The following RFPL1 variants were observed in gnomAD, a reference collection of about 807,000 sequenced individuals.
The protein encoded by RFPL1 is ret finger protein-like 1.
Under a neutral mutation model 9.6 loss-of-function variants are expected in RFPL1, and 6 were observed. The ratio of observed to expected loss-of-function variants is 0.62; its 90% confidence interval spans 0.34 to 1.23. The LOEUF (loss-of-function observed/expected upper bound fraction) is 1.23, where lower values mean the gene tolerates loss of function less well. RFPL1 is among the 50% of genes most tolerant of loss of function. RFPL1 has a pLI of 0.03. For missense variants in RFPL1, 352 were observed against 398.4 expected (o/e 0.88, Z 0.99); for synonymous variants, 145 against 149.4 (o/e 0.97, Z 0.22).
chr22:29,406,669 A>T, the RFPL1 span, among the ~76,000 whole-genome samples: 1 of 152,256 alleles, frequency 6.6e-6, no homozygotes, highest in South Asian at 2.1e-4. Flanking sequence ...GACGGTGCAA[A>T]CCGGGATCAA....
At chr22:29,394,732 A>G in the RFPL1 span, among the ~76,000 whole-genome samples, 3 of 152,282 alleles carry the variant, frequency 2.0e-5, no homozygotes, top group Non-Finnish European at 2.9e-5. Context: ...ACATCCATCA[A>G]TTCATTTAAC....
the RFPL1 span, among the ~76,000 whole-genome samples, chr22:29,403,397 G>A: frequency 6.6e-6 from 1 of 152,176 alleles, no homozygotes; most frequent in East Asian, 1.9e-4. Context: ...ATGGACTTTA[G>A]TTGAGATGGG....
chr22:29,403,247 G>T, the RFPL1 span, among the ~76,000 whole-genome samples: 1 of 144,894 alleles, frequency 6.9e-6, no homozygotes, highest in Non-Finnish European at 1.5e-5. Context: ...TTCCAGAGAG[G>T]AATTTCTTCT....
chr22:29,414,632 ATCCTG>A, the RFPL1 span, among the ~76,000 whole-genome samples: 1 of 151,936 alleles, frequency 6.6e-6, no homozygotes, highest in Non-Finnish European at 1.5e-5. Flanking sequence ...ACTATCTATC[ATCCTG>A]TCCTGAAGGT....
At chr22:29,405,479 G>A in the RFPL1 span, among the ~76,000 whole-genome samples, 3 of 152,196 alleles carry the variant, frequency 2.0e-5, no homozygotes, top group Admixed American at 1.3e-4. Flanking sequence ...AAGTGAAGAC[G>A]CAGGGATAAT....
chr22:29,438,963 G>C, exon 1 of RFPL1: 1 of 1,613,916 alleles, frequency 6.2e-7, no homozygotes, highest in Non-Finnish European at 8.5e-7. Flanking sequence ...GTGTGGATGC[G>C]CTGTCTGCTT....
the RFPL1 span, among the ~76,000 whole-genome samples, chr22:29,410,407 C>CTA: frequency 2.3e-5 from 1 of 42,984 alleles, no homozygotes; most frequent in Non-Finnish European, 3.6e-5. Flanking sequence ...AGATATATAT[C>CTA]TATATATATA....
chr22:29,438,771 T>G (rs1001921686), exon 1 of RFPL1: 4 of 1,606,140 alleles, frequency 2.5e-6, no homozygotes, highest in African/African-American at 1.3e-5. Flanking sequence ...GTGACAAAGC[T>G]GGGACACAAT....
At chr22:29,409,373 A>G in the RFPL1 span, among the ~76,000 whole-genome samples, 3 of 152,156 alleles carry the variant, frequency 2.0e-5, no homozygotes, top group Admixed American at 2.0e-4. Flanking sequence ...TGCTCTAGCT[A>G]GAAAGCCAAG....
exon 2 of RFPL1, chr22:29,441,906 G>A: frequency 6.2e-7 from 1 of 1,612,776 alleles, no homozygotes; most frequent in Non-Finnish European, 8.5e-7. Context: ...AGCGAGTGGG[G>A]ATTTTTCTGG....
At chr22:29,431,275 T>C in the RFPL1 span, among the ~76,000 whole-genome samples, 50 of 152,178 alleles carry the variant, frequency 3.3e-4, no homozygotes, top group South Asian at 1.0e-3. Flanking sequence ...TTCGGCAACA[T>C]TGTTTGAGGG....
the RFPL1 span, among the ~76,000 whole-genome samples, chr22:29,394,014 T>C: frequency 2.0e-5 from 3 of 152,104 alleles, no homozygotes; most frequent in Non-Finnish European, 4.4e-5. Flanking sequence ...CTCACTATGT[T>C]GCCCAGGCTG....
At chr22:29,418,108 T>C in the RFPL1 span, among the ~76,000 whole-genome samples, 257 of 152,140 alleles carry the variant, frequency 1.7e-3, no homozygotes, top group African/African-American at 6.0e-3. Context: ...TTTTTGTATT[T>C]TTAGTAGAGA....
At chr22:29,415,212 T>C in the RFPL1 span, among the ~76,000 whole-genome samples, 5 of 150,302 alleles carry the variant, frequency 3.3e-5, no homozygotes, top group South Asian at 1.0e-3. Flanking sequence ...AAAGTGCTGA[T>C]AAAGGCACGC....
chr22:29,421,151 A>G, the RFPL1 span, among the ~76,000 whole-genome samples: 1 of 152,044 alleles, frequency 6.6e-6, no homozygotes, highest in Non-Finnish European at 1.5e-5. Context: ...CTCAATCCCT[A>G]TGCTTGGGCC....
At chr22:29,410,523 GAT>G in the RFPL1 span, among the ~76,000 whole-genome samples, 14 of 112,862 alleles carry the variant, frequency 1.2e-4, no homozygotes, top group Middle Eastern at 4.3e-3. Flanking sequence ...ATATATTGTA[GAT>G]ATATATATCT....
the RFPL1 span, among the ~76,000 whole-genome samples, chr22:29,393,638 C>T: frequency 6.6e-6 from 1 of 152,028 alleles, no homozygotes; most frequent in Non-Finnish European, 1.5e-5. Context: ...AACTCCTTGC[C>T]CTAGGATGTG....
the RFPL1 span, among the ~76,000 whole-genome samples, chr22:29,388,041 C>A: frequency 6.6e-6 from 1 of 152,104 alleles, no homozygotes; most frequent in East Asian, 1.9e-4. Flanking sequence ...TCTTTTTCAA[C>A]CTTGGCAAAG....
At chr22:29,434,090 G>A (rs929544406), upstream of RFPL1, among the ~76,000 whole-genome samples, 1 of 152,068 alleles carries the variant, frequency 6.6e-6, no homozygotes, top group East Asian at 1.9e-4. Flanking sequence ...CAGCTCAAGC[G>A]ATCCTCCCAC....
Sources: gnomAD v4.1 joint callset for allele counts (sites outside exome capture counted in the v4.1 genomes callset) on GRCh38, gnomAD v4.1.1 for gene constraint, MANE v1.5 for transcripts, NCBI Gene and HGNC (gene_info 2026-07-23, HGNC 2026-07-21) for gene names.